Variants in AFAP1 observed in about 807,000 individuals in gnomAD.
AFAP1 encodes the protein actin filament-associated protein 1.
AFAP1 carries 75 observed loss-of-function variants against 93.9 expected under a neutral mutation model. That is an observed-to-expected ratio of 0.80 (90% confidence interval 0.66 to 0.97). The LOEUF (loss-of-function observed/expected upper bound fraction) is 0.97, where lower values mean the gene tolerates loss of function less well. Among genes scored for constraint, AFAP1 ranks in the 50% least tolerant of loss-of-function variants. The probability of loss-of-function intolerance (pLI) is 0.00; values close to 1 mark genes in which losing one functional copy is unlikely to be tolerated. For missense variants in AFAP1, 1,201 were observed against 1,050.8 expected (o/e 1.14, Z -1.98); for synonymous variants, 517 against 430.7 (o/e 1.20, Z -2.48).
intron 16 of AFAP1, among the ~76,000 whole-genome samples, chr4:7,769,219 G>A (rs930747968): frequency 3.3e-5 from 5 of 152,214 alleles, no homozygotes; most frequent in Admixed American, 2.0e-4. Flanking sequence ...CGACGGGCAG[G>A]TGGAGGCTCC....
intron 11 of AFAP1, among the ~76,000 whole-genome samples, chr4:7,790,286 G>C (rs16841259): frequency 0.036 from 5,411 of 152,206 alleles, 343 homozygotes; most frequent in African/African-American, 0.12. Context: ...CTCCTATAAA[G>C]ACTTTAACGA....
intron 3 of AFAP1, among the ~76,000 whole-genome samples, chr4:7,866,909 C>A (rs1367854936): frequency 6.6e-6 from 1 of 151,244 alleles, no homozygotes; most frequent in Non-Finnish European, 1.5e-5. Flanking sequence ...CATGGTGGCT[C>A]ACACCTGCAA....
intron 3 of AFAP1, among the ~76,000 whole-genome samples, chr4:7,858,608 G>C (rs1287682901): frequency 6.6e-6 from 1 of 152,174 alleles, no homozygotes; most frequent in East Asian, 1.9e-4. Context: ...CAACAGGGAA[G>C]GTAGGTTTCC....
chr4:7,889,692 T>TG (rs767213561), intron 1 of AFAP1, among the ~76,000 whole-genome samples: 1,475 of 71,956 alleles, frequency 0.02, 18 homozygotes, highest in African/African-American at 0.024. Context: ...AATGAAGCGT[T>TG]TTTTTTTTTT....
chr4:7,937,415 G>A (rs995829285), intron 1 of AFAP1, among the ~76,000 whole-genome samples: 4 of 152,182 alleles, frequency 2.6e-5, no homozygotes, highest in African/African-American at 9.7e-5. Flanking sequence ...GATCCTCAAA[G>A]GTGAGAAAAA....
intron 6 of AFAP1, among the ~76,000 whole-genome samples, chr4:7,822,306 C>T (rs1721036193): frequency 1.3e-5 from 2 of 152,136 alleles, no homozygotes; most frequent in African/African-American, 4.8e-5. Flanking sequence ...AATAATACCT[C>T]AGGGGGTCAT....
chr4:7,842,325 TAAAA>T (rs899094207), intron 5 of AFAP1, among the ~76,000 whole-genome samples: 3 of 118,594 alleles, frequency 2.5e-5, no homozygotes, highest in East Asian at 5.3e-4. Context: ...AAAAAAAAGA[TAAAA>T]AAAGGATTAT....
chr4:7,880,573 C>T lies in AFAP1; in HGVS notation c.-2-8493G>A, dbSNP rs375266544. ...GATTACAGGCGTGAGCCACCGCACC[C>T]GGCCCAAATGCCTTTATTTCACAAG... On this transcript the variant is annotated intron_variant, in intron 1 of 17. Transcript: ENST00000420658. Among the ~76,000 whole-genome samples the T allele has an allele frequency of 1.9e-4, 29 of 152,314 alleles. No homozygotes were observed. In the South Asian group the frequency reaches 2.9e-3, roughly 15 times the overall value.
At chr4:7,925,635 T>C (rs1720685127) in intron 1 of AFAP1, among the ~76,000 whole-genome samples, 1 of 152,030 alleles carries the variant, frequency 6.6e-6, no homozygotes, top group African/African-American at 2.4e-5. Context: ...TTACCTGAGG[T>C]TGGGAGTTCA....
At chr4:7,932,273 T>G (rs1303073652) in intron 1 of AFAP1, among the ~76,000 whole-genome samples, 1 of 152,174 alleles carries the variant, frequency 6.6e-6, no homozygotes, top group African/African-American at 2.4e-5. Flanking sequence ...AACGAGGTCC[T>G]GCTTGGTTTT....
intron 1 of AFAP1, among the ~76,000 whole-genome samples, chr4:7,917,119 T>C (rs1271798719): frequency 6.6e-6 from 1 of 152,222 alleles, no homozygotes; most frequent in Non-Finnish European, 1.5e-5. Context: ...CATAGCACTG[T>C]TGTAAAAAGC....
At chr4:7,934,567 CA>C (rs1409929778) in intron 1 of AFAP1, among the ~76,000 whole-genome samples, 1 of 151,738 alleles carries the variant, frequency 6.6e-6, no homozygotes, top group Non-Finnish European at 1.5e-5. Flanking sequence ...TCTGGGATAT[CA>C]GGGGCACTCA....
intron 1 of AFAP1, among the ~76,000 whole-genome samples, chr4:7,918,929 G>C (rs1720270836): frequency 6.8e-6 from 1 of 148,024 alleles, no homozygotes; most frequent in Non-Finnish European, 1.5e-5. Context: ...GCTGCCGGAT[G>C]AGACACTCGG....
chr4:7,875,257 T>C (rs1238056808), intron 1 of AFAP1, among the ~76,000 whole-genome samples: 1 of 152,188 alleles, frequency 6.6e-6, no homozygotes, highest in African/African-American at 2.4e-5. Context: ...GAGGCTGCCG[T>C]GCACCATCAA....
rs1023093086 is a variant in AFAP1 at position 7,784,639 on chromosome 4, T to A, written c.1530+1555A>T. Among the ~76,000 whole-genome samples the A allele has an allele frequency of 5.3e-5, 8 of 151,982 alleles. No homozygotes were observed. The East Asian group carries it at 1.4e-3, about 26-fold the overall frequency. The stretch of plus-strand genomic sequence containing the variant: ...TCCCCCACAGGAACCCCAGGGCAGG[T>A]CCAGAGCAGCAGGAAGGAGGAGGCG... On this transcript the variant is annotated intron_variant, in intron 12 of 17. Transcript: ENST00000420658.
chr4:7,803,658 G>A (rs967213109), intron 9 of AFAP1, among the ~76,000 whole-genome samples: 20 of 152,020 alleles, frequency 1.3e-4, no homozygotes, highest in Admixed American at 1.2e-3. Flanking sequence ...ACCTGGCCCC[G>A]ATTCCCAACC....
At chr4:7,915,527 A>T (rs938758167) in intron 1 of AFAP1, among the ~76,000 whole-genome samples, 2 of 152,186 alleles carry the variant, frequency 1.3e-5, no homozygotes, top group Non-Finnish European at 2.9e-5. Flanking sequence ...GTGTCTGTTC[A>T]GCTTTTTGAC....
intron 8 of AFAP1, among the ~76,000 whole-genome samples, chr4:7,810,823 A>C (rs1023497564): frequency 6.6e-6 from 1 of 152,226 alleles, no homozygotes; most frequent in South Asian, 2.1e-4. Context: ...GGCGGTTCTC[A>C]TCACTCCCCA....
At chr4:7,896,770 C>G (rs928060104) in intron 1 of AFAP1, among the ~76,000 whole-genome samples, 1 of 128,034 alleles carries the variant, frequency 7.8e-6, no homozygotes, top group Admixed American at 7.6e-5. Context: ...CCTCATTCCC[C>G]CCCACACCCA....
Sources: allele counts gnomAD v4.1 joint callset (sites outside exome capture counted in the v4.1 genomes callset), GRCh38; gene constraint gnomAD v4.1.1; transcripts MANE v1.5; gene names NCBI Gene and HGNC (gene_info 2026-07-23, HGNC 2026-07-21).